The following TPH2 variants were observed in gnomAD, a reference collection of about 807,000 sequenced individuals.
TPH2 encodes tryptophan hydroxylase 2, also known as tryptophan 5-hydroxylase 2.
Under a neutral mutation model 59.1 loss-of-function variants are expected in TPH2, and 27 were observed. That is an observed-to-expected ratio of 0.46 (90% CI 0.34 to 0.63). The LOEUF is 0.63. TPH2 is among the 30% of genes least tolerant of loss of function. TPH2 has a pLI of 0.01. For synonymous variants in TPH2, 220 were observed against 210.5 expected, an observed-to-expected ratio of 1.05 and a Z score of -0.39; for missense variants, 523 against 588.3, an observed-to-expected ratio of 0.89 and a Z score of 1.15.
intron 8 of TPH2, among the ~76,000 whole-genome samples, chr12:72,016,960 C>T (rs1326149609): frequency 6.6e-6 from 1 of 151,966 alleles, no homozygotes; most frequent in Non-Finnish European, 1.5e-5. Flanking sequence ...AGGAGGGAGG[C>T]AAAAGGGCCC....
intron 4 of TPH2, among the ~76,000 whole-genome samples, chr12:71,947,882 C>T (rs1871239055): frequency 6.6e-6 from 1 of 152,178 alleles, no homozygotes; most frequent in African/African-American, 2.4e-5. Flanking sequence ...CTTCAGGAGG[C>T]CCAGCAGATT....
chr12:71,959,496 T>C (rs2139193241), intron 5 of TPH2, among the ~76,000 whole-genome samples: 1 of 152,300 alleles, frequency 6.6e-6, no homozygotes, highest in East Asian at 1.9e-4. Context: ...GCTGAGTTTT[T>C]CCTAAGAGGC....
rs185598730 is a variant in TPH2, at chr12:71,979,547, A to G, written c.941+460A>G. ...AACTCTGTGCTTTGCTCTCCCTGCC[A>G]TTTTAGTTTCTTGAACACTTCTCTA... is the stretch of plus-strand genomic sequence containing the variant. On this transcript the variant is annotated intron_variant, in intron 7 of 10. Transcript: ENST00000333850. Among the ~76,000 whole-genome samples, 260 of 152,206 alleles carry G rather than the reference A, an allele frequency of 1.7e-3. 1 individual carries two copies. Among genetic ancestry groups the G allele is most frequent in the African/African-American group, 5.2e-3 (216 of 41,538 alleles).
At chr12:71,981,327 A>C (rs1264608911) in intron 7 of TPH2, among the ~76,000 whole-genome samples, 2 of 152,224 alleles carry the variant, frequency 1.3e-5, no homozygotes, top group Admixed American at 1.3e-4. Flanking sequence ...AAACTAGGAC[A>C]TTTGGACTTA....
intron 9 of TPH2, among the ~76,000 whole-genome samples, chr12:72,029,858 G>A (rs779200654): frequency 2.0e-5 from 3 of 152,236 alleles, no homozygotes; most frequent in Admixed American, 1.3e-4. Flanking sequence ...CTTCATGGAG[G>A]GCTGTAAATC....
intron 8 of TPH2, among the ~76,000 whole-genome samples, chr12:72,007,279 A>G (rs945284612): frequency 2.0e-5 from 3 of 152,204 alleles, no homozygotes; most frequent in Non-Finnish European, 4.4e-5. Flanking sequence ...GGCAAGTCAC[A>G]GGAAACAGCT....
rs1176163651 is a variant in TPH2, at chr12:71,944,295, A to G, written c.257A>G (p.Glu86Gly). ...TTTCAGATGCTCGTGTTTCCACAGG[A>G]AAAACGTGTCAACATGGTTCATATT... Reference protein sequence around the residue: ...GLVKALRLFQEKRVNMVHIES... With the variant: ...GLVKALRLFQGKRVNMVHIES... The change falls in exon 3 of 11, where the codon GAA becomes GGA. Residue 86 changes from glutamate (E) to glycine (G), a missense_variant and splice_region_variant. Glu to Gly is a moderately conservative substitution (Grantham distance 98, BLOSUM62 -2). Transcript: ENST00000333850. The G allele has an allele frequency of 6.2e-7, 1 of 1,613,578 alleles. No homozygotes were observed. Among genetic ancestry groups the G allele is most frequent in the African/African-American group, 1.3e-5 (1 of 74,892 alleles).
intron 8 of TPH2, among the ~76,000 whole-genome samples, chr12:72,003,060 T>A (rs1252605818): frequency 6.6e-6 from 1 of 152,240 alleles, no homozygotes; most frequent in Non-Finnish European, 1.5e-5. Context: ...TTTTCCTCCC[T>A]GCTGAGGATA....
intron 5 of TPH2, among the ~76,000 whole-genome samples, chr12:71,950,107 A>G (rs1041668778): frequency 6.6e-6 from 1 of 152,174 alleles, no homozygotes; most frequent in African/African-American, 2.4e-5. Context: ...GGAGAGGAAA[A>G]CTTCCTGTAA....
chr12:71,943,764 G>A (rs1031001403), intron 2 of TPH2, among the ~76,000 whole-genome samples: 2 of 151,640 alleles, frequency 1.3e-5, no homozygotes, highest in Admixed American at 1.3e-4. Flanking sequence ...CCAAGCCTCA[G>A]TCATTTCCAT....
At chr12:71,989,100 T>TAAAA (rs34334884) in intron 7 of TPH2, among the ~76,000 whole-genome samples, 2 of 116,234 alleles carry the variant, frequency 1.7e-5, no homozygotes, top group Non-Finnish European at 1.8e-5. Flanking sequence ...CTGGCTTTAT[T>TAAAA]AAAAAAAAAA....
chr12:71,958,682 A>G (rs910963535), intron 5 of TPH2, among the ~76,000 whole-genome samples: 1 of 152,078 alleles, frequency 6.6e-6, no homozygotes, highest in African/African-American at 2.4e-5. Flanking sequence ...CCAAAGCCTG[A>G]CCCTCGTGAG....
intron 5 of TPH2, among the ~76,000 whole-genome samples, chr12:71,966,883 T>C (rs1463886137): frequency 2.0e-5 from 3 of 152,188 alleles, no homozygotes; most frequent in African/African-American, 7.2e-5. Context: ...TCTCATATTA[T>C]GAATTCTAGC....
At chr12:72,020,825 GA>G (rs374460834) in intron 8 of TPH2, among the ~76,000 whole-genome samples, 3,179 of 151,914 alleles carry the variant, frequency 0.021, 134 homozygotes, top group African/African-American at 0.073. Context: ...GGTGAATCAG[GA>G]AAAAAAATTT....
At chr12:71,939,224 C>T (rs1265143498) in intron 1 of TPH2, 133 bp downstream of exon 1, 5 of 734,220 alleles carry the variant, frequency 6.8e-6, no homozygotes, top group Non-Finnish European at 7.2e-6. Flanking sequence ...TCTGTCTACC[C>T]TGCTTTCCTC....
At chr12:72,011,596 G>T (rs1292165795) in intron 8 of TPH2, among the ~76,000 whole-genome samples, 1 of 152,142 alleles carries the variant, frequency 6.6e-6, no homozygotes, top group Non-Finnish European at 1.5e-5. Flanking sequence ...ATTTTCCCTG[G>T]CAAGTCTCCA....
chr12:71,994,626 C>A (rs1592402820), intron 8 of TPH2, 61 bp downstream of exon 8: 1 of 1,597,804 alleles, frequency 6.3e-7, no homozygotes. Flanking sequence ...GTAAAGAAAG[C>A]TTCAGGATTA....
chr12:71,943,686 T>G (rs887881706), intron 2 of TPH2, among the ~76,000 whole-genome samples: 1 of 152,108 alleles, frequency 6.6e-6, no homozygotes, highest in African/African-American at 2.4e-5. Context: ...TCAAAGATCC[T>G]GTCTTGACTA....
rs191774696 is a variant in TPH2 at position 72,021,264 on chromosome 12, G to C, written c.1069-1135G>C. 3.0e-3 allele frequency among the ~76,000 whole-genome samples: 449 copies of C among 151,348 alleles called. 4 individuals are homozygous for C. The highest frequency in any genetic ancestry group is 0.01 in the African/African-American group (421 of 41,194). On this transcript the variant is annotated intron_variant, in intron 8 of 10. Coordinates refer to ENST00000333850, the MANE Select transcript of TPH2 (RefSeq NM_173353.4). ...GTGCAAAGATTCCTCCGTCTGTTTA[G>C]GTTGATTTCTTAAACCCAACAGAAG...
Sources: allele counts gnomAD v4.1 joint callset (sites outside exome capture counted in the v4.1 genomes callset), GRCh38; gene constraint gnomAD v4.1.1; transcripts MANE v1.5; gene names NCBI Gene and HGNC (gene_info 2026-07-23, HGNC 2026-07-21).